CFAP206: variants seen among roughly 807,000 people sequenced by gnomAD.
CFAP206 encodes the protein cilia and flagella associated protein 206.
CFAP206 carries 53 observed loss-of-function variants against 65.4 expected under a neutral mutation model. The ratio of observed to expected loss-of-function variants is 0.81; its 90% CI spans 0.65 to 1.02. The LOEUF (loss-of-function observed/expected upper bound fraction) is 1.02, where lower values mean the gene tolerates loss of function less well. CFAP206 is among the 50% of genes least tolerant of loss of function. CFAP206 has a pLI of 0.00. For missense variants in CFAP206, 663 were observed against 753.2 expected (o/e 0.88, Z 1.40); for synonymous variants, 250 against 254.4 (o/e 0.98, Z 0.17).
rs1422806492 is a variant in CFAP206, at chr6:87,428,749, C to T, written c.1084C>T (p.Pro362Ser). ...PFLGAHELYF[P>S]ERVMQCHLNG... ...CTTGGGTGCTCACGAACTATACTTT[C>T]CTGAGAGAGTGATGCAATGTCATCT... is the stretch of plus-strand genomic sequence containing the variant. Residue 362 changes from proline to serine, a missense_variant, in exon 9 of 13, where the codon CCT (proline) becomes TCT (serine). Physicochemically the swap from Pro to Ser is moderately conservative, Grantham distance 74 (BLOSUM62 -1). Transcript: ENST00000369562. 6.2e-7 allele frequency: 1 copy of T among 1,614,092 alleles called. No individual in the cohort carries two copies. The highest frequency in any genetic ancestry group is 1.7e-5 in the Admixed American group (1 of 60,016).
At chr6:87,435,183 T>C (rs957844956) in intron 11 of CFAP206, 130 bp downstream of exon 11, 50 of 580,854 alleles carry the variant, frequency 8.6e-5, no homozygotes, top group Non-Finnish European at 1.5e-4. Context: ...ACAGGTTGTC[T>C]GAAAGGGATT....
chr6:87,459,669 C>G (rs1040359019), intron 11 of CFAP206, among the ~76,000 whole-genome samples: 2 of 152,138 alleles, frequency 1.3e-5, no homozygotes, highest in Admixed American at 6.6e-5. Flanking sequence ...GTCAGTTGAA[C>G]GTCTACAGAC....
chr6:87,462,965 T>C (rs1248931485), intron 12 of CFAP206, among the ~76,000 whole-genome samples: 1 of 152,226 alleles, frequency 6.6e-6, no homozygotes, highest in Non-Finnish European at 1.5e-5. Context: ...GAAGAGGAAC[T>C]GCAAAGTCAG....
rs550328454 is a variant in CFAP206 at position 87,411,324 on chromosome 6, G to C, written c.192+656G>C. 3.3e-5 allele frequency among the ~76,000 whole-genome samples: 5 copies of C among 152,266 alleles called. No homozygotes were observed. The South Asian group carries it at 1.0e-3, about 32-fold the overall frequency. Reference sequence around the variant, plus strand: ...TTTTTTTCATGCTTTTTGGCGATTTGTATGTCTTCTTTTGAAAAATATCTA... The same window carrying C: ...TTTTTTTCATGCTTTTTGGCGATTTCTATGTCTTCTTTTGAAAAATATCTA... On this transcript the variant is annotated intron_variant, in intron 3 of 12. Transcript: ENST00000369562.
chr6:87,436,530 G>A (rs1010183709), intron 11 of CFAP206, among the ~76,000 whole-genome samples: 8 of 152,194 alleles, frequency 5.3e-5, no homozygotes, highest in South Asian at 4.1e-4. Context: ...TGAACACACA[G>A]GCAAGAAGAC....
In CFAP206 at chr6:87,458,235, G is replaced by C. The variant is rs147193887; in HGVS notation, c.1495-2787G>C. Among the ~76,000 whole-genome samples the C allele has an allele frequency of 4.9e-3, 747 of 152,188 alleles. 1 individual carries two copies. The highest frequency in any genetic ancestry group is 0.017 in the African/African-American group (708 of 41,532). The stretch of plus-strand genomic sequence containing the variant: ...ACACTGTTGGTGGGAATGTAAATTA[G>C]TAAGCCACTATGGAGAACAGTATAG... On this transcript the variant is annotated intron_variant, in intron 11 of 12. Coordinates refer to ENST00000369562, the MANE Select transcript of CFAP206 (RefSeq NM_001031743.3).
At chr6:87,457,779 T>C (rs1232045773) in intron 11 of CFAP206, among the ~76,000 whole-genome samples, 1 of 152,178 alleles carries the variant, frequency 6.6e-6, no homozygotes, top group Non-Finnish European at 1.5e-5. Flanking sequence ...ATTTCTTGGG[T>C]CATTCCCCAC....
At chr6:87,418,100 G>T in intron 6 of CFAP206, 108 bp from the exon 7 acceptor site, 1 of 953,732 alleles carries the variant, frequency 1.0e-6, no homozygotes. Context: ...ATTTGATTGG[G>T]GAGAAAAACC....
chr6:87,413,348 A>G (rs566832396), intron 3 of CFAP206, among the ~76,000 whole-genome samples: 9 of 152,344 alleles, frequency 5.9e-5, no homozygotes, highest in African/African-American at 2.2e-4. Flanking sequence ...ACTGGAGGCT[A>G]CTATCTTAAG....
At chr6:87,409,804 T>G in intron 1 of CFAP206, 31 bp from the exon 2 acceptor site, 2 of 1,470,810 alleles carry the variant, frequency 1.4e-6, no homozygotes, top group Non-Finnish European at 1.9e-6. Context: ...AAAACCACGG[T>G]TTTTTTAAAA....
intron 11 of CFAP206, among the ~76,000 whole-genome samples, chr6:87,460,677 C>T (rs1768730554): frequency 6.6e-6 from 1 of 152,018 alleles, no homozygotes; most frequent in Non-Finnish European, 1.5e-5. Context: ...CTAGTGGGTA[C>T]TGTGGTCACT....
rs777420160 is a variant in CFAP206 at position 87,464,271 on chromosome 6, T to G, written c.*21T>G. On this transcript the variant is annotated 3_prime_UTR_variant, in exon 13 of 13. Transcript: ENST00000369562. ...CCTAATTACAGACAACGTTTTAAAA[T>G]AGATGCTACTCAATTATGAACAATA... The G allele has an allele frequency of 7.6e-6, 12 of 1,580,620 alleles. 1 individual carries two copies. In the South Asian group the frequency reaches 1.2e-4, roughly 16 times the overall value.
At chr6:87,416,092 T>G (rs75666412) in intron 5 of CFAP206, among the ~76,000 whole-genome samples, 5,532 of 152,218 alleles carry the variant, frequency 0.036, 339 homozygotes, top group African/African-American at 0.13. Flanking sequence ...GAAATATTGC[T>G]AATTTTCCTA....
chr6:87,425,102 T>C (rs1366203321), intron 7 of CFAP206, among the ~76,000 whole-genome samples: 1 of 152,198 alleles, frequency 6.6e-6, no homozygotes, highest in Non-Finnish European at 1.5e-5. Flanking sequence ...GAAAATGAAT[T>C]CTCCTAAAAC....
At chr6:87,446,567 G>A (rs1012845829) in intron 11 of CFAP206, among the ~76,000 whole-genome samples, 1 of 152,072 alleles carries the variant, frequency 6.6e-6, no homozygotes, top group Non-Finnish European at 1.5e-5. Flanking sequence ...GTCTGTTTTT[G>A]TACCAGTACC....
rs776856828 is a variant in CFAP206, at chr6:87,428,700, T to C, written c.1035T>C (p.Asn345=). ...DETIVVGVLS[N]LFTHIQPFLG... is the part of the protein sequence containing the mutation. ...CTATTGTGGTTGGTGTCCTCAGTAA[T>C]TTATTCACTCACATTCAGCCATTCT... Residue 345 remains asparagine, a synonymous_variant, in exon 9 of 13, where the codon AAT becomes AAC. Coordinates refer to ENST00000369562, the MANE Select transcript of CFAP206 (RefSeq NM_001031743.3). 6.2e-6 allele frequency: 10 copies of C among 1,614,048 alleles called. No individual in the cohort carries two copies. The Admixed American group carries it at 8.3e-5, about 13-fold the overall frequency.
chr6:87,460,259 G>T (rs1162263436), intron 11 of CFAP206, among the ~76,000 whole-genome samples: 2 of 152,008 alleles, frequency 1.3e-5, no homozygotes, highest in Admixed American at 1.3e-4. Context: ...CTTAATATTG[G>T]GTTCCCCAAA....
At chr6:87,433,296 T>C (rs763660701) in intron 10 of CFAP206, among the ~76,000 whole-genome samples, 4 of 152,240 alleles carry the variant, frequency 2.6e-5, no homozygotes, top group Non-Finnish European at 4.4e-5. Context: ...TTTGTGATTT[T>C]TTGAGAGCAG....
chr6:87,460,225 T>C (rs1768721134), intron 11 of CFAP206, among the ~76,000 whole-genome samples: 1 of 152,174 alleles, frequency 6.6e-6, no homozygotes, highest in Admixed American at 6.6e-5. Context: ...CATCATGTCT[T>C]GTTTAGCCTG....
Sources: allele counts gnomAD v4.1 joint callset (sites outside exome capture counted in the v4.1 genomes callset), GRCh38; gene constraint gnomAD v4.1.1; transcripts MANE v1.5; gene names NCBI Gene and HGNC (gene_info 2026-07-23, HGNC 2026-07-21).